CADM1: variants seen among roughly 807,000 people sequenced by gnomAD.
CADM1 encodes TSLC-1.
Under a neutral mutation model 53.1 loss-of-function variants are expected in CADM1, and 15 were observed. The observed-to-expected ratio is 0.28, with a 90% CI of 0.19 to 0.44. The LOEUF (loss-of-function observed/expected upper bound fraction) is 0.44, where lower values mean the gene tolerates loss of function less well. Among genes scored for constraint, CADM1 ranks in the 20% least tolerant of loss-of-function variants. The probability of loss-of-function intolerance (pLI) is 1.00; values close to 1 mark genes in which losing one functional copy is unlikely to be tolerated. For synonymous variants in CADM1, 281 were observed against 243.0 expected (o/e 1.16, Z -1.45); for missense variants, 434 against 611.3 (o/e 0.71, Z 3.06).
At chr11:115,266,339 T>A (rs1433914977) in intron 1 of CADM1, among the ~76,000 whole-genome samples, 2 of 152,238 alleles carry the variant, frequency 1.3e-5, no homozygotes, top group Non-Finnish European at 2.9e-5. Flanking sequence ...TGCTCAATTG[T>A]TCTAGAATAC....
intron 1 of CADM1, among the ~76,000 whole-genome samples, chr11:115,388,474 T>C (rs1946755553): frequency 6.6e-6 from 1 of 152,152 alleles, no homozygotes. Flanking sequence ...GATTGCTTAT[T>C]AGTTGTAAGG....
chr11:115,371,638 A>ATTTTT (rs11396249), intron 1 of CADM1, among the ~76,000 whole-genome samples: 1 of 135,408 alleles, frequency 7.4e-6, no homozygotes, highest in Non-Finnish European at 1.6e-5. Context: ...GTCAGACTGG[A>ATTTTT]TTTTTTTTTT....
At chr11:115,477,865 C>A (rs1949170105) in intron 1 of CADM1, among the ~76,000 whole-genome samples, 1 of 152,222 alleles carries the variant, frequency 6.6e-6, no homozygotes, top group African/African-American at 2.4e-5. Context: ...GAGGCAGAAT[C>A]TAGAAAATTG....
intron 1 of CADM1, among the ~76,000 whole-genome samples, chr11:115,267,459 T>C (rs890845314): frequency 6.6e-6 from 1 of 152,154 alleles, no homozygotes; most frequent in East Asian, 1.9e-4. Context: ...ACATATTCAG[T>C]TCAAATTTAC....
At chr11:115,479,568 AC>A (rs1949213582) in intron 1 of CADM1, among the ~76,000 whole-genome samples, 1 of 152,106 alleles carries the variant, frequency 6.6e-6, no homozygotes, top group Non-Finnish European at 1.5e-5. Context: ...CCAATAAATA[AC>A]CCTGGACACA....
chr11:115,400,661 G>GTGTGTATATA (rs1295332849), intron 1 of CADM1, among the ~76,000 whole-genome samples: 6 of 46,550 alleles, frequency 1.3e-4, no homozygotes, highest in African/African-American at 2.2e-4. Flanking sequence ...GTGTGTGTGT[G>GTGTGTATATA]TATATATATA....
chr11:115,193,896 A>T (rs1206525977), intron 9 of CADM1: 1 of 152,202 alleles, frequency 6.6e-6, no homozygotes, highest in African/African-American at 2.4e-5. Context: ...TTCCACCACC[A>T]GCCATGAGTT....
chr11:115,204,117 G>T (rs529079145), intron 8 of CADM1, among the ~76,000 whole-genome samples: 1 of 152,306 alleles, frequency 6.6e-6, no homozygotes, highest in African/African-American at 2.4e-5. Context: ...AAACATTCTA[G>T]GATGAAGATG....
intron 1 of CADM1, among the ~76,000 whole-genome samples, chr11:115,266,349 C>T (rs919999850): frequency 1.3e-5 from 2 of 152,194 alleles, no homozygotes; most frequent in African/African-American, 2.4e-5. Context: ...TTCTAGAATA[C>T]TATAACTTTT....
chr11:115,443,268 C>T (rs1948366673), intron 1 of CADM1, among the ~76,000 whole-genome samples: 1 of 152,174 alleles, frequency 6.6e-6, no homozygotes, highest in Non-Finnish European at 1.5e-5. Context: ...TTCTCCAAAA[C>T]CAAAACAACC....
chr11:115,187,580 A>C (rs546946843), intron 10 of CADM1, among the ~76,000 whole-genome samples: 3 of 152,124 alleles, frequency 2.0e-5, no homozygotes, highest in Non-Finnish European at 4.4e-5. Context: ...AGCTGGGACT[A>C]TAGGTGCATG....
At chr11:115,378,018 C>A (rs1473041747) in intron 1 of CADM1, 1 of 152,092 alleles carries the variant, frequency 6.6e-6, no homozygotes, top group East Asian at 1.9e-4. Context: ...AACAAGAACC[C>A]TCTTGCAACA....
chr11:115,411,658 TA>T (rs1293359434), intron 1 of CADM1, among the ~76,000 whole-genome samples: 6 of 152,134 alleles, frequency 3.9e-5, no homozygotes, highest in Admixed American at 2.6e-4. Context: ...AATTCTATTT[TA>T]TTTTTTTTTA....
At chr11:115,274,438 G>A (rs1277070760) in intron 1 of CADM1, among the ~76,000 whole-genome samples, 1 of 152,190 alleles carries the variant, frequency 6.6e-6, no homozygotes, top group African/African-American at 2.4e-5. Flanking sequence ...CAAAATGGCT[G>A]GGCTTAAAAA....
chr11:115,391,827 G>A (rs1946843694), intron 1 of CADM1, among the ~76,000 whole-genome samples: 1 of 152,092 alleles, frequency 6.6e-6, no homozygotes, highest in South Asian at 2.1e-4. Context: ...CAGAGTTCCC[G>A]CCCATGCATG....
At chr11:115,191,848 G>C (rs985456435) in intron 9 of CADM1, among the ~76,000 whole-genome samples, 1 of 152,176 alleles carries the variant, frequency 6.6e-6, no homozygotes, top group African/African-American at 2.4e-5. Context: ...TAACTGCTTA[G>C]GTCTTTTAAG....
intron 1 of CADM1, among the ~76,000 whole-genome samples, chr11:115,335,226 T>C (rs533336956): frequency 2.0e-5 from 3 of 152,140 alleles, no homozygotes; most frequent in Non-Finnish European, 2.9e-5. Flanking sequence ...TGATAATATT[T>C]TTTAAAGAAT....
rs185246899 is a variant in CADM1 at position 115,387,430 on chromosome 11, A to G, written c.124+116841T>C. The stretch of plus-strand genomic sequence containing the variant: ...GGAAAATGAAGCAAAGGGAAATTGT[A>G]CTTCAAATTAAAAACATAACCACTA... On this transcript the variant is annotated intron_variant, in intron 1 of 11. Coordinates refer to ENST00000331581, the MANE Select transcript of CADM1 (RefSeq NM_001301043.2). Among the ~76,000 whole-genome samples, 12 of 152,306 alleles carry G rather than the reference A, an allele frequency of 7.9e-5. No individual in the cohort carries two copies. In the East Asian group the frequency reaches 2.3e-3, roughly 29 times the overall value.
chr11:115,393,599 A>T (rs1946902682), intron 1 of CADM1, among the ~76,000 whole-genome samples: 2 of 151,600 alleles, frequency 1.3e-5, no homozygotes, highest in Non-Finnish European at 2.9e-5. Flanking sequence ...TAAAAACAGA[A>T]TGCATTCTTA....
Sources: gnomAD v4.1 joint callset for allele counts (sites outside exome capture counted in the v4.1 genomes callset) on GRCh38, gnomAD v4.1.1 for gene constraint, MANE v1.5 for transcripts, NCBI Gene and HGNC (gene_info 2026-07-23, HGNC 2026-07-21) for gene names.